The following PREX2 variants were observed in gnomAD, a reference collection of about 807,000 sequenced individuals.
PREX2 encodes phosphatidylinositol 3,4,5-trisphosphate-dependent Rac exchanger 2 protein.
PREX2 carries 107 observed loss-of-function variants against 203.2 expected under a neutral mutation model. The ratio of observed to expected loss-of-function variants is 0.53; its 90% CI spans 0.45 to 0.62. The LOEUF is 0.62. PREX2 is among the 20% of genes least tolerant of loss of function. The pLI, the probability that PREX2 is intolerant of heterozygous loss-of-function variation, is 0.00. For missense variants in PREX2, 1,777 were observed against 1,955.9 expected, an observed-to-expected ratio of 0.91 and a Z score of 1.72; for synonymous variants, 672 against 663.6, an observed-to-expected ratio of 1.01 and a Z score of -0.19.
chr8:67,955,147 CAAAAAA>C (rs1183491822), intron 1 of PREX2, among the ~76,000 whole-genome samples: 1 of 51,908 alleles, frequency 1.9e-5, no homozygotes, highest in African/African-American at 9.5e-5. Context: ...GACTCCATCT[CAAAAAA>C]AAAAAAAAAA....
intron 1 of PREX2, among the ~76,000 whole-genome samples, chr8:67,979,664 A>C (rs1362614109): frequency 6.6e-6 from 1 of 152,224 alleles, no homozygotes; most frequent in African/African-American, 2.4e-5. Context: ...CAGGACATAT[A>C]AAAGATTAAA....
At chr8:68,224,737 T>C in intron 39 of PREX2, 111 bp downstream of exon 39, 1 of 744,672 alleles carries the variant, frequency 1.3e-6, no homozygotes, top group Non-Finnish European at 2.3e-6. Flanking sequence ...TCGTACTGAT[T>C]GTAATTACGG....
intron 35 of PREX2, among the ~76,000 whole-genome samples, chr8:68,170,228 C>T (rs1811848347): frequency 6.6e-6 from 1 of 152,166 alleles, no homozygotes; most frequent in Non-Finnish European, 1.5e-5. Flanking sequence ...GAGCCCCAGT[C>T]ATGTAGGGCT....
At chr8:68,164,673 C>G (rs2129614068) in intron 35 of PREX2, among the ~76,000 whole-genome samples, 2 of 151,278 alleles carry the variant, frequency 1.3e-5, no homozygotes, top group South Asian at 2.1e-4. Flanking sequence ...ACCTCCACCT[C>G]CTGGGTTCAA....
chr8:68,092,618 T>C (rs1809914953), intron 20 of PREX2, among the ~76,000 whole-genome samples: 1 of 152,160 alleles, frequency 6.6e-6, no homozygotes, highest in Admixed American at 6.5e-5. Context: ...ATGTTTTTTA[T>C]TTGGAGGGAT....
intron 1 of PREX2, among the ~76,000 whole-genome samples, chr8:67,968,041 T>TGTG (rs900768433): frequency 1.3e-5 from 2 of 150,638 alleles, no homozygotes; most frequent in Admixed American, 6.6e-5. Context: ...ACCTGCATGT[T>TGTG]GTGCACATGT....
chr8:68,125,832 C>G (rs1290867285), intron 30 of PREX2, among the ~76,000 whole-genome samples: 1 of 151,894 alleles, frequency 6.6e-6, no homozygotes, highest in Non-Finnish European at 1.5e-5. Context: ...AAGAGTGTCT[C>G]TTCAGTTTTT....
intron 35 of PREX2, among the ~76,000 whole-genome samples, chr8:68,173,343 T>C (rs1049122618): frequency 6.6e-6 from 1 of 152,204 alleles, no homozygotes; most frequent in African/African-American, 2.4e-5. Flanking sequence ...CCAAGGTTCA[T>C]AAATTTCACA....
chr8:68,077,780 A>G (rs1329213636), intron 15 of PREX2, among the ~76,000 whole-genome samples: 1 of 151,770 alleles, frequency 6.6e-6, no homozygotes, highest in African/African-American at 2.4e-5. Context: ...AAGCTCATAA[A>G]CCTCTTTGAG....
chr8:68,007,289 T>C (rs1368209053), intron 1 of PREX2, among the ~76,000 whole-genome samples: 1 of 152,234 alleles, frequency 6.6e-6, no homozygotes, highest in Non-Finnish European at 1.5e-5. Context: ...TGTAAGAAAA[T>C]GCTTTCAGAT....
Position 68,134,347 on chromosome 8 carries a change from A to G in PREX2, c.3984+71A>G, listed in dbSNP as rs572988920. ...GCACTGTAACATGTTTTGAAATAAG[A>G]AGTAGTTATTTCTTTCCCGCTGGTT... On this transcript the variant is annotated intron_variant, in intron 32 of 39. Transcript: ENST00000288368. 2.4e-6 allele frequency: 3 copies of G among 1,233,980 alleles called. No individual in the cohort carries two copies. In the South Asian group the frequency reaches 3.8e-5, roughly 16 times the overall value. The allele number at this position is 1,233,980 out of a possible 1,614,324, so 76.4% of individuals were successfully genotyped here. A position where few individuals can be genotyped will look rare whatever the true frequency, so the allele number is the denominator to read the frequency against.
At chr8:68,106,200 C>T (rs1810407037) in intron 23 of PREX2, 1 of 423,212 alleles carries the variant, frequency 2.4e-6, no homozygotes, top group Non-Finnish European at 4.5e-6. Context: ...ATGCTGTTAC[C>T]TAATAACATT....
intron 1 of PREX2, among the ~76,000 whole-genome samples, chr8:68,014,269 AT>A (rs2129610078): frequency 6.6e-6 from 1 of 152,284 alleles, no homozygotes; most frequent in South Asian, 2.1e-4. Context: ...TATCATATGC[AT>A]TTACCAAAAA....
At chr8:67,971,280 T>C (rs1198970063) in intron 1 of PREX2, among the ~76,000 whole-genome samples, 2 of 152,108 alleles carry the variant, frequency 1.3e-5, no homozygotes, top group South Asian at 2.1e-4. Flanking sequence ...AGGTGAGACC[T>C]GAGAGAGATC....
At chr8:67,966,966 G>A (rs56771541) in intron 1 of PREX2, among the ~76,000 whole-genome samples, 66,291 of 152,052 alleles carry the variant, frequency 0.44, 15,090 homozygotes, top group East Asian at 0.61. Flanking sequence ...AATATATGAT[G>A]TATTAGCTAG....
intron 38 of PREX2, among the ~76,000 whole-genome samples, chr8:68,220,550 A>C (rs1421739499): frequency 6.6e-6 from 1 of 152,134 alleles, no homozygotes; most frequent in African/African-American, 2.4e-5. Flanking sequence ...TGAGGTTGAC[A>C]TGCTCCTTGC....
At chr8:68,156,854 A>G (rs1811552646) in intron 34 of PREX2, among the ~76,000 whole-genome samples, 2 of 152,200 alleles carry the variant, frequency 1.3e-5, no homozygotes, top group South Asian at 4.1e-4. Flanking sequence ...ACACTGTTAC[A>G]AGTAGAGGTT....
At chr8:68,016,253 C>G (rs1347677011) in intron 1 of PREX2, among the ~76,000 whole-genome samples, 1 of 152,040 alleles carries the variant, frequency 6.6e-6, no homozygotes, top group Non-Finnish European at 1.5e-5. Flanking sequence ...TTAGCACACA[C>G]CAATATTATC....
chr8:68,080,607 A>G (rs1243640023), intron 16 of PREX2, 22 bp downstream of exon 16: 8 of 1,565,780 alleles, frequency 5.1e-6, no homozygotes, highest in Middle Eastern at 1.7e-4. Context: ...GATATGTTAT[A>G]TAAGTTTTCT....
Sources: allele counts gnomAD v4.1 joint callset (sites outside exome capture counted in the v4.1 genomes callset), GRCh38; gene constraint gnomAD v4.1.1; transcripts MANE v1.5; gene names NCBI Gene and HGNC (gene_info 2026-07-23, HGNC 2026-07-21).